Variants in TAB3 observed in about 807,000 individuals in gnomAD.
TAB3 encodes the protein TGF-beta-activated kinase 1 and MAP3K7-binding protein 3.
A neutral mutation model predicts 48.1 loss-of-function variants in TAB3; 18 were observed. The ratio of observed to expected loss-of-function variants is 0.37; its 90% CI spans 0.26 to 0.55. The LOEUF (loss-of-function observed/expected upper bound fraction) is 0.55, where lower values mean the gene tolerates loss of function less well. TAB3 is among the 20% of genes least tolerant of loss of function. The pLI is 0.78. For synonymous variants in TAB3, 185 were observed against 190.2 expected, an observed-to-expected ratio of 0.97 and a Z score of 0.22; for missense variants, 414 against 549.8, an observed-to-expected ratio of 0.75 and a Z score of 2.47.
intron 2 of TAB3, among the ~76,000 whole-genome samples, chrX:30,871,013 A>G (rs1370683169): frequency 8.9e-6 from 1 of 112,716 alleles, no homozygotes; most frequent in Non-Finnish European, 1.9e-5. Flanking sequence ...TTTAATTCAC[A>G]GCACATACCC....
chrX:30,859,533 C>T lies in TAB3; in HGVS notation c.56G>A (p.Arg19His), dbSNP rs1423561270. 3.3e-6 allele frequency: 4 copies of T among 1,208,450 alleles called. No individual in the cohort carries two copies. The highest frequency in any genetic ancestry group is 4.5e-6 in the Non-Finnish European group (4 of 894,672). The change falls in exon 5 of 11, where the codon CGT becomes CAT. Residue 19 changes from arginine to histidine, a missense_variant. Coordinates refer to ENST00000288422, the MANE Select transcript of TAB3 (RefSeq NM_152787.5). ...DIQVLHDLRQ[R>H]FPEIPEGVVS... ...CACGCCCTCTGGAATTTCAGGGAAA[C>T]GTTGTCGAAGATCATGGAGAACCTG...
chrX:30,868,276 G>C (rs1372995783), intron 2 of TAB3, among the ~76,000 whole-genome samples: 1 of 54,170 alleles, frequency 1.8e-5, no homozygotes, highest in East Asian at 6.3e-4. Flanking sequence ...CCTGTTTTCT[G>C]TTTAGTTCTG....
chrX:30,849,229 AT>A (rs771350740), intron 7 of TAB3, among the ~76,000 whole-genome samples: 41 of 112,411 alleles, frequency 3.6e-4, no homozygotes, highest in African/African-American at 1.2e-3. Context: ...CTTTGTCAGC[AT>A]TTAATATAAT....
At chrX:30,846,063 A>G (rs771222366) in intron 8 of TAB3, 1 of 995,826 alleles carries the variant, frequency 1.0e-6, no homozygotes, top group Non-Finnish European at 1.3e-6. Flanking sequence ...CTTCTGCTGT[A>G]GTATACTTCT....
rs754473895 is a variant in TAB3, at chrX:30,850,857, AC to A, written c.1710+1920del. 5.9e-3 allele frequency among the ~76,000 whole-genome samples: 603 copies of A among 102,531 alleles called. 2 individuals carry two copies. Among genetic ancestry groups the A allele is most frequent in the African/African-American group, 7.5e-3 (211 of 27,955 alleles). 89.0% of individuals were successfully genotyped at this position (102,531 alleles called of 115,157 possible). A position where few individuals can be genotyped will look rare whatever the true frequency, so the allele number is the denominator to read the frequency against. ...CACTTCCAATGAAAAACAAAAAAAAACCAATATTTTATTTAGCAGGGATTAT... is the reference window on the plus strand; with the variant it reads ...CACTTCCAATGAAAAACAAAAAAAAACAATATTTTATTTAGCAGGGATTAT... On this transcript the variant is annotated intron_variant, in intron 7 of 10. Coordinates refer to ENST00000288422, the MANE Select transcript of TAB3 (RefSeq NM_152787.5).
chrX:30,847,533 A>G (rs1452604641), intron 7 of TAB3, among the ~76,000 whole-genome samples: 1 of 108,277 alleles, frequency 9.2e-6, no homozygotes, highest in Non-Finnish European at 1.9e-5. Flanking sequence ...TATGTATAGT[A>G]AAAAAGTCAA....
At chrX:30,853,374 T>C (rs1031984657) in intron 6 of TAB3, among the ~76,000 whole-genome samples, 5 of 112,864 alleles carry the variant, frequency 4.4e-5, no homozygotes, top group African/African-American at 1.6e-4. Context: ...TCCACTTTTA[T>C]ATATTATTAC....
intron 1 of TAB3, among the ~76,000 whole-genome samples, chrX:30,878,741 G>A (rs1355170572): frequency 1.8e-5 from 2 of 111,417 alleles, no homozygotes; most frequent in Non-Finnish European, 3.8e-5. Context: ...TTAAAAGATT[G>A]AAATCACTCA....
chrX:30,855,880 G>A (rs1393261812), intron 5 of TAB3, among the ~76,000 whole-genome samples: 4 of 111,582 alleles, frequency 3.6e-5, no homozygotes, highest in Non-Finnish European at 7.5e-5. Context: ...TTTTATACTT[G>A]TTGCATCTCA....
chrX:30,859,394 G>T, intron 5 of TAB3, 93 bp downstream of exon 5: 10 of 426,698 alleles, frequency 2.3e-5, no homozygotes, highest in South Asian at 3.4e-5. Flanking sequence ...ACACACACAA[G>T]AAAACATACC....
At chrX:30,873,133 T>G (rs1939710320) in intron 1 of TAB3, among the ~76,000 whole-genome samples, 1 of 111,783 alleles carries the variant, frequency 8.9e-6, no homozygotes. Context: ...AAAAAACGAA[T>G]TTTTTTTAGA....
At chrX:30,875,719 A>G (rs1269748958) in intron 1 of TAB3, among the ~76,000 whole-genome samples, 2 of 112,440 alleles carry the variant, frequency 1.8e-5, no homozygotes, top group Admixed American at 9.4e-5. Flanking sequence ...CTAGCAATTG[A>G]CCAAGGTTGA....
intron 9 of TAB3, among the ~76,000 whole-genome samples, chrX:30,839,640 C>T (rs1298627948): frequency 9.1e-6 from 1 of 109,854 alleles, no homozygotes; most frequent in Non-Finnish European, 1.9e-5. Context: ...ACAAACGTAC[C>T]ACTCTGGTGT....
At chrX:30,855,797 C>T (rs1375775552) in intron 5 of TAB3, among the ~76,000 whole-genome samples, 3 of 112,030 alleles carry the variant, frequency 2.7e-5, no homozygotes, top group Non-Finnish European at 5.6e-5. Flanking sequence ...GCTACTGCTA[C>T]AGAAATGTAA....
chrX:30,887,193 A>G (rs1940156851), intron 1 of TAB3, among the ~76,000 whole-genome samples: 1 of 110,498 alleles, frequency 9.0e-6, no homozygotes, highest in Admixed American at 9.4e-5. Context: ...TCAGGACTAG[A>G]ATAAACAAAA....
At chrX:30,868,316 T>TTTTATATATATATAGCTTATATATATATA (rs1569221031) in intron 2 of TAB3, among the ~76,000 whole-genome samples, 37 of 1,474 alleles carry the variant, frequency 0.025, 15 homozygotes, top group Non-Finnish European at 0.041. Context: ...TATATATAGC[T>TTTTATATATATATAGCTTATATATATATA]TATATATATA....
intron 7 of TAB3, among the ~76,000 whole-genome samples, chrX:30,850,308 A>G (rs978363183): frequency 2.7e-5 from 3 of 111,250 alleles, no homozygotes; most frequent in Non-Finnish European, 5.6e-5. Flanking sequence ...GGATGGCTAC[A>G]TGGGGGTTCA....
At chrX:30,851,461 G>A (rs1938846247) in intron 7 of TAB3, among the ~76,000 whole-genome samples, 1 of 111,968 alleles carries the variant, frequency 8.9e-6, no homozygotes, top group African/African-American at 3.2e-5. Flanking sequence ...CTTCTAAAAT[G>A]CCTTCCCCTT....
intron 1 of TAB3, among the ~76,000 whole-genome samples, chrX:30,876,462 T>C (rs1408290947): frequency 1.8e-5 from 2 of 112,041 alleles, no homozygotes; most frequent in Non-Finnish European, 3.8e-5. Flanking sequence ...AAGCCAAACT[T>C]AAAAATCTCA....
Sources: gnomAD v4.1 joint callset for allele counts (sites outside exome capture counted in the v4.1 genomes callset) on GRCh38, gnomAD v4.1.1 for gene constraint, MANE v1.5 for transcripts, NCBI Gene and HGNC (gene_info 2026-07-23, HGNC 2026-07-21) for gene names.